The following RAPGEF2 variants were observed in gnomAD, a reference collection of about 807,000 sequenced individuals.
RAPGEF2 encodes the protein Rap guanine nucleotide exchange factor 2, also known as PDZ domain containing guanine nucleotide exchange factor (GEF) 1.
In RAPGEF2, 54 loss-of-function variants were observed where a neutral mutation model predicts 186.7. The observed-to-expected ratio is 0.29, with a 90% CI of 0.23 to 0.36. RAPGEF2 has a LOEUF of 0.36. Ranked by LOEUF, RAPGEF2 falls within the 10% of genes least tolerant of loss-of-function variation. The pLI, the probability that RAPGEF2 is intolerant of heterozygous loss-of-function variation, is 1.00. For synonymous variants in RAPGEF2, 712 were observed against 705.9 expected, an observed-to-expected ratio of 1.01 and a Z score of -0.14; for missense variants, 1,532 against 2,045.0, an observed-to-expected ratio of 0.75 and a Z score of 4.84.
chr4:159,344,844 A>T (rs1730060050), intron 23 of RAPGEF2, among the ~76,000 whole-genome samples: 2 of 152,202 alleles, frequency 1.3e-5, no homozygotes, highest in Non-Finnish European at 1.5e-5. Context: ...ACTGCCTTAA[A>T]TGCTCTATAG....
In RAPGEF2 at chr4:159,345,096, C is replaced by G. The variant is rs935707699; in HGVS notation, c.3279-10C>G. On this transcript the variant is annotated splice_polypyrimidine_tract_variant and intron_variant, in intron 23 of 29. Coordinates refer to ENST00000691494, the MANE Select transcript of RAPGEF2 (RefSeq NM_001394067.2). ...AGAGTGAGCTGCATATGTACCTTTT[C>G]ATCTTCCAGGTCTCTCAGCCAGGGT... is the stretch of plus-strand genomic sequence containing the variant. 2 of 1,607,838 alleles carry G rather than the reference C, an allele frequency of 1.2e-6. No individual in the cohort carries two copies. Among genetic ancestry groups the G allele is most frequent in the Non-Finnish European group, 1.7e-6 (2 of 1,174,612 alleles).
chr4:159,201,487 G>A (rs977941332), intron 3 of RAPGEF2, among the ~76,000 whole-genome samples: 3 of 152,182 alleles, frequency 2.0e-5, no homozygotes, highest in Non-Finnish European at 4.4e-5. Flanking sequence ...AACTGTCTGC[G>A]GGACGCCTAT....
rs1135003 is a variant in RAPGEF2 at position 159,355,948 on chromosome 4, G to T, written c.4747G>T (p.Ala1583Ser). 2.2e-6 allele frequency: 3 copies of T among 1,347,990 alleles called. No individual in the cohort carries two copies. Among genetic ancestry groups the T allele is most frequent in the Non-Finnish European group, 3.0e-6 (3 of 1,016,580 alleles). 83.5% of individuals were successfully genotyped at this position (1,347,990 alleles called of 1,614,324 possible). ...TDFPEGHSHP[A>S]RKPPDYNVAL... ...CTTTCCAGAAGGGCACTCCCATCCA[G>T]CCAGGAAACCGCCGGACTACAACGT... Residue 1583 changes from alanine (A) to serine (S), a missense_variant, in exon 29 of 30, where the codon GCC becomes TCC. Physicochemically the swap from Ala to Ser is moderately conservative, Grantham distance 99. This residue lies in a region of RAPGEF2 where 594 missense variants were observed against 608.5 expected (regional missense o/e 0.98). Coordinates refer to ENST00000691494, the MANE Select transcript of RAPGEF2 (RefSeq NM_001394067.2).
intron 7 of RAPGEF2, among the ~76,000 whole-genome samples, chr4:159,303,317 GT>G (rs1169565107): frequency 6.6e-6 from 1 of 152,014 alleles, no homozygotes; most frequent in East Asian, 1.9e-4. Context: ...TAAGGTTAAC[GT>G]TTATTTAAGT....
At chr4:159,239,413 T>C (rs1753680081) in intron 5 of RAPGEF2, among the ~76,000 whole-genome samples, 1 of 152,210 alleles carries the variant, frequency 6.6e-6, no homozygotes, top group African/African-American at 2.4e-5. Flanking sequence ...AACAACACTA[T>C]TTTAAAAAAC....
intron 1 of RAPGEF2, among the ~76,000 whole-genome samples, chr4:159,185,776 C>T (rs924701979): frequency 6.6e-6 from 1 of 152,012 alleles, no homozygotes; most frequent in African/African-American, 2.4e-5. Flanking sequence ...CTGAATTGTT[C>T]ACTTTAAAGG....
chr4:159,235,227 T>C (rs1274877705), intron 4 of RAPGEF2, among the ~76,000 whole-genome samples: 1 of 152,228 alleles, frequency 6.6e-6, no homozygotes, highest in East Asian at 1.9e-4. Flanking sequence ...ATTGTAATTA[T>C]TGTTTTTGAT....
intron 9 of RAPGEF2, 130 bp downstream of exon 9, chr4:159,314,898 C>T: frequency 3.4e-6 from 3 of 887,672 alleles, no homozygotes; most frequent in Non-Finnish European, 3.2e-6. Flanking sequence ...TTTGTATAAA[C>T]AGTAGTATTT....
At chr4:159,203,901 A>G (rs992667332) in intron 3 of RAPGEF2, among the ~76,000 whole-genome samples, 4 of 152,248 alleles carry the variant, frequency 2.6e-5, no homozygotes, top group Non-Finnish European at 5.9e-5. Context: ...AGGAACTAGA[A>G]TCTCAGAATT....
intron 4 of RAPGEF2, among the ~76,000 whole-genome samples, chr4:159,221,230 G>A (rs574653426): frequency 6.6e-6 from 1 of 152,274 alleles, no homozygotes; most frequent in South Asian, 2.1e-4. Flanking sequence ...GGATGGTTTG[G>A]TGGTGGCTGC....
intron 3 of RAPGEF2, among the ~76,000 whole-genome samples, chr4:159,206,015 C>T (rs1319532248): frequency 2.0e-5 from 3 of 151,920 alleles, no homozygotes; most frequent in African/African-American, 4.8e-5. Context: ...CTGCAAGCTC[C>T]GCCTCCCGGG....
chr4:159,126,460 T>C (rs1458597913), intron 1 of RAPGEF2, among the ~76,000 whole-genome samples: 1 of 152,096 alleles, frequency 6.6e-6, no homozygotes, highest in Non-Finnish European at 1.5e-5. Context: ...TTTTTAGTTT[T>C]CTTTATATAT....
chr4:159,184,480 C>G (rs1447565278), intron 1 of RAPGEF2, among the ~76,000 whole-genome samples: 4 of 152,180 alleles, frequency 2.6e-5, no homozygotes, highest in East Asian at 1.9e-4. Context: ...ATTTGCATTT[C>G]TCTGATGGCC....
rs1187252641 is a variant in RAPGEF2, at chr4:159,179,122, C to G, written c.70-7520C>G. On this transcript the variant is annotated intron_variant, in intron 1 of 29. Transcript: ENST00000691494. ...AGGGTAAAACGAAAGACTTATTGTT[C>G]TAAAAAATGCTGCTTCCTGGTTAAA... Among the ~76,000 whole-genome samples, 7 of 152,088 alleles carry G rather than the reference C, an allele frequency of 4.6e-5. No homozygotes were observed. In the East Asian group the frequency reaches 1.3e-3, roughly 29 times the overall value.
At chr4:159,115,128 A>G (rs1406375315) in intron 1 of RAPGEF2, among the ~76,000 whole-genome samples, 2 of 152,188 alleles carry the variant, frequency 1.3e-5, no homozygotes, top group Middle Eastern at 3.4e-3. Flanking sequence ...TTAGCCAACT[A>G]TCTTTCCGTT....
intron 19 of RAPGEF2, 48 bp downstream of exon 19, chr4:159,339,402 C>T: frequency 6.3e-7 from 1 of 1,576,732 alleles, no homozygotes; most frequent in Non-Finnish European, 8.6e-7. Flanking sequence ...TCTTCGAACC[C>T]ACATCAAAGT....
rs561907198 is a variant in RAPGEF2, at chr4:159,280,041, T to C, written c.544-24301T>C. On this transcript the variant is annotated intron_variant, in intron 7 of 29. Coordinates refer to ENST00000691494, the MANE Select transcript of RAPGEF2 (RefSeq NM_001394067.2). Reference sequence around the variant, plus strand: ...TTTTAGGAGCAGGTCACCATGCTTATCTGAAATTTCCCATCCATATGGTTC... The same window carrying C: ...TTTTAGGAGCAGGTCACCATGCTTACCTGAAATTTCCCATCCATATGGTTC... Among the ~76,000 whole-genome samples, 142 of 152,340 alleles carry C rather than the reference T, an allele frequency of 9.3e-4. No individual in the cohort carries two copies. The Middle Eastern group carries it at 0.02, about 22-fold the overall frequency.
intron 1 of RAPGEF2, among the ~76,000 whole-genome samples, chr4:159,158,376 T>C (rs1047734172): frequency 1.3e-5 from 2 of 152,170 alleles, no homozygotes; most frequent in African/African-American, 2.4e-5. Flanking sequence ...TGGCTCTCCT[T>C]TTTGTGTCTT....
intron 4 of RAPGEF2, among the ~76,000 whole-genome samples, chr4:159,237,509 T>C (rs1175237423): frequency 6.6e-6 from 1 of 152,116 alleles, no homozygotes; most frequent in African/African-American, 2.4e-5. Context: ...TTTTCTGTTT[T>C]CTTCCTCTTA....
Sources: allele counts gnomAD v4.1 joint callset (sites outside exome capture counted in the v4.1 genomes callset), GRCh38; gene constraint gnomAD v4.1.1; regional missense constraint gnomAD v4.1.1; transcripts MANE v1.5; gene names NCBI Gene and HGNC (gene_info 2026-07-23, HGNC 2026-07-21).